Variants in WWOX observed in about 807,000 individuals in gnomAD.
WWOX encodes the protein WW domain containing oxidoreductase, also known as WW domain-containing oxidoreductase.
WWOX carries 69 observed loss-of-function variants against 46.2 expected under a neutral mutation model. The observed-to-expected ratio is 1.49, with a 90% confidence interval of 1.23 to 1.82. WWOX has a LOEUF of 1.82. WWOX is among the 40% of genes most tolerant of loss of function. WWOX has a pLI of 0.00. For synonymous variants in WWOX, 359 were observed against 202.6 expected (o/e 1.77, Z -6.56); for missense variants, 919 against 542.6 (o/e 1.69, Z -6.89).
At chr16:78,584,184 C>G (rs1362220395) in intron 8 of WWOX, among the ~76,000 whole-genome samples, 1 of 152,200 alleles carries the variant, frequency 6.6e-6, no homozygotes, top group Non-Finnish European at 1.5e-5. Context: ...TAACACAAGG[C>G]CTGGCATAAT....
chr16:78,775,938 C>T (rs1426026548), intron 8 of WWOX, among the ~76,000 whole-genome samples: 37 of 152,206 alleles, frequency 2.4e-4, no homozygotes, highest in Non-Finnish European at 1.5e-5. Flanking sequence ...CAGTGGCCAT[C>T]ACTACTCTAA....
intron 5 of WWOX, among the ~76,000 whole-genome samples, chr16:78,184,696 C>T (rs1250619395): frequency 1.3e-5 from 2 of 152,036 alleles, no homozygotes; most frequent in African/African-American, 4.8e-5. Context: ...TACACAGTTC[C>T]ACTGTTACAG....
chr16:78,535,499 C>T (rs150736812), intron 8 of WWOX: 2 of 152,282 alleles, frequency 1.3e-5, no homozygotes, highest in African/African-American at 4.8e-5. Flanking sequence ...CCTTCCCCCT[C>T]CCATTACCTT....
At chr16:78,404,595 A>G (rs951348119) in intron 6 of WWOX, among the ~76,000 whole-genome samples, 1 of 152,100 alleles carries the variant, frequency 6.6e-6, no homozygotes, top group African/African-American at 2.4e-5. Flanking sequence ...TCATATCACA[A>G]CTAAATTTCT....
At chr16:78,935,351 A>G (rs191747915) in intron 8 of WWOX, among the ~76,000 whole-genome samples, 1 of 152,140 alleles carries the variant, frequency 6.6e-6, no homozygotes, top group African/African-American at 2.4e-5. Context: ...CTTGGAACCA[A>G]CTCAGATGTT....
At chr16:78,853,850 C>A (rs544928542) in intron 8 of WWOX, among the ~76,000 whole-genome samples, 3 of 152,084 alleles carry the variant, frequency 2.0e-5, no homozygotes, top group African/African-American at 7.2e-5. Context: ...AATAGATCTT[C>A]AGGTAAAATG....
intron 8 of WWOX, among the ~76,000 whole-genome samples, chr16:78,667,000 A>G (rs184919885): frequency 1.2e-4 from 18 of 152,272 alleles, no homozygotes; most frequent in Admixed American, 6.5e-4. Flanking sequence ...TCTTCCTTTT[A>G]TCTCTAACTC....
At chr16:78,962,288 G>A (rs1287583316) in intron 8 of WWOX, among the ~76,000 whole-genome samples, 2 of 134,114 alleles carry the variant, frequency 1.5e-5, no homozygotes, top group East Asian at 2.5e-4. Flanking sequence ...GAGATTTGGA[G>A]TCAGCAAGGC....
intron 5 of WWOX, among the ~76,000 whole-genome samples, chr16:78,321,907 A>T (rs529470375): frequency 6.6e-6 from 1 of 152,230 alleles, no homozygotes; most frequent in Non-Finnish European, 1.5e-5. Flanking sequence ...CCAACCAAAC[A>T]GATGCAAATG....
At chr16:78,897,749 AGTT>A (rs2044735630) in intron 8 of WWOX, 2 of 150,932 alleles carry the variant, frequency 1.3e-5, no homozygotes, top group African/African-American at 2.5e-5. Flanking sequence ...GCTGCCAAAC[AGTT>A]GTCTAAAGTA....
intron 8 of WWOX, among the ~76,000 whole-genome samples, chr16:78,594,505 C>T (rs2045435482): frequency 6.8e-6 from 1 of 146,002 alleles, no homozygotes; most frequent in Non-Finnish European, 1.5e-5. Flanking sequence ...CTTCCTCTGA[C>T]CACCCTGCTA....
At chr16:79,186,380 G>A (rs556843795) in intron 8 of WWOX, among the ~76,000 whole-genome samples, 1 of 152,176 alleles carries the variant, frequency 6.6e-6, no homozygotes, top group Non-Finnish European at 1.5e-5. Context: ...GCTTCCGGTG[G>A]TTCAGTGGCA....
rs146597544 is a variant in WWOX at position 79,184,436 on chromosome 16, C to G, written c.1057-27172C>G. ...TCACCATGTAAGGAAATTCACCAGA[C>G]CACCAATTTCCACGCCTTGTATGTT... On this transcript the variant is annotated intron_variant, in intron 8 of 8. Coordinates refer to ENST00000566780, the MANE Select transcript of WWOX (RefSeq NM_016373.4). 6.2e-3 allele frequency among the ~76,000 whole-genome samples: 945 copies of G among 152,306 alleles called. 6 individuals are homozygous for G. The highest frequency in any genetic ancestry group is 7.7e-3 in the African/African-American group (320 of 41,574).
intron 8 of WWOX, among the ~76,000 whole-genome samples, chr16:79,105,187 G>C (rs570083797): frequency 6.6e-6 from 1 of 152,312 alleles, no homozygotes; most frequent in African/African-American, 2.4e-5. Context: ...AGCACCCCGA[G>C]TGGTGACAGT....
At chr16:78,748,424 C>G (rs1323000669) in intron 8 of WWOX, among the ~76,000 whole-genome samples, 4 of 152,154 alleles carry the variant, frequency 2.6e-5, no homozygotes, top group Admixed American at 6.5e-5. Context: ...ACGCCAAGCC[C>G]TGGGGATACA....
In WWOX at chr16:78,915,588, A is replaced by G. The variant is rs10083795; in HGVS notation, c.1057-296020A>G. On this transcript the variant is annotated intron_variant, in intron 8 of 8. Coordinates refer to ENST00000566780, the MANE Select transcript of WWOX (RefSeq NM_016373.4). The stretch of plus-strand genomic sequence containing the variant: ...AAAAAATGAAAAATTGCACTGTGAC[A>G]TTGCTGGTTCCTATTAGCAAAATAA... Among the ~76,000 whole-genome samples, 891 of 152,248 alleles carry G rather than the reference A, an allele frequency of 5.9e-3. 9 individuals are homozygous for G. The highest frequency in any genetic ancestry group is 0.021 in the African/African-American group (853 of 41,532).
At chr16:78,299,474 G>T (rs1387905439) in intron 5 of WWOX, among the ~76,000 whole-genome samples, 1 of 151,240 alleles carries the variant, frequency 6.6e-6, no homozygotes, top group Non-Finnish European at 1.5e-5. Flanking sequence ...CTGCACATCT[G>T]TTGAGCTGTG....
At chr16:78,794,822 A>G (rs1024868929) in intron 8 of WWOX, among the ~76,000 whole-genome samples, 2 of 152,254 alleles carry the variant, frequency 1.3e-5, no homozygotes, top group East Asian at 3.8e-4. Context: ...GTGCAGACAC[A>G]GGGCACAGAA....
At chr16:78,652,509 A>G (rs2046989942) in intron 8 of WWOX, among the ~76,000 whole-genome samples, 1 of 152,148 alleles carries the variant, frequency 6.6e-6, no homozygotes, top group African/African-American at 2.4e-5. Context: ...GACTATAAAA[A>G]AAGTTGTAAT....
Sources: allele counts gnomAD v4.1 joint callset (sites outside exome capture counted in the v4.1 genomes callset), GRCh38; gene constraint gnomAD v4.1.1; transcripts MANE v1.5; gene names NCBI Gene and HGNC (gene_info 2026-07-23, HGNC 2026-07-21).